TRUB1: variants seen among roughly 807,000 people sequenced by gnomAD.
The protein encoded by TRUB1 is TruB pseudouridine synthase family member 1.
In TRUB1, 23 loss-of-function variants were observed where a neutral mutation model predicts 33.9. The ratio of observed to expected loss-of-function variants is 0.68; its 90% CI spans 0.49 to 0.96. The LOEUF is 0.96. Ranked by LOEUF, TRUB1 falls within the 40% of genes least tolerant of loss-of-function variation. TRUB1 has a pLI of 0.00. For missense variants in TRUB1, 378 were observed against 422.2 expected, an observed-to-expected ratio of 0.90 and a Z score of 0.92; for synonymous variants, 163 against 165.4, an observed-to-expected ratio of 0.99 and a Z score of 0.11.
intron 3 of TRUB1, among the ~76,000 whole-genome samples, chr10:114,957,252 G>T (rs1474490110): frequency 6.6e-6 from 1 of 152,202 alleles, no homozygotes; most frequent in East Asian, 1.9e-4. Flanking sequence ...TATCTCTGTA[G>T]GTCATCATGT....
intron 4 of TRUB1, among the ~76,000 whole-genome samples, chr10:114,968,271 T>C (rs1431376811): frequency 6.6e-6 from 1 of 152,168 alleles, no homozygotes; most frequent in African/African-American, 2.4e-5. Flanking sequence ...ATCTTGTGTG[T>C]GATGATATCA....
chr10:114,948,523 C>T (rs1040764942), intron 2 of TRUB1, among the ~76,000 whole-genome samples: 1 of 152,096 alleles, frequency 6.6e-6, no homozygotes, highest in African/African-American at 2.4e-5. Flanking sequence ...GAAAAAATGC[C>T]GAGTAAAAAT....
chr10:114,966,499 G>T (rs1471540837), intron 4 of TRUB1, among the ~76,000 whole-genome samples: 1 of 152,026 alleles, frequency 6.6e-6, no homozygotes. Context: ...GAATCAGCTT[G>T]TCAATTTTTA....
intron 5 of TRUB1, among the ~76,000 whole-genome samples, 179 bp downstream of exon 5, chr10:114,970,619 C>T (rs769385128): frequency 2.0e-5 from 3 of 152,200 alleles, no homozygotes; most frequent in Non-Finnish European, 4.4e-5. Flanking sequence ...CTCTAAGAGG[C>T]AGTGGAATGT....
Position 114,950,799 on chromosome 10 carries a change from G to A in TRUB1, c.386-295G>A, listed in dbSNP as rs113144936. Among the ~76,000 whole-genome samples the A allele has an allele frequency of 3.7e-3, 567 of 152,246 alleles. 1 individual carries two copies. The highest frequency in any genetic ancestry group is 0.012 in the African/African-American group (515 of 41,548). Reference sequence around the variant, plus strand: ...TGGTGCCCATATAAAATTCCAGTGCGTCCTTTGAGATTGTTCTAAGGCTTC... The same window carrying A: ...TGGTGCCCATATAAAATTCCAGTGCATCCTTTGAGATTGTTCTAAGGCTTC... On this transcript the variant is annotated intron_variant, in intron 2 of 7. Coordinates refer to ENST00000298746, the MANE Select transcript of TRUB1 (RefSeq NM_139169.5).
At chr10:114,941,756 C>T (rs1005913301) in intron 1 of TRUB1, among the ~76,000 whole-genome samples, 10 of 151,956 alleles carry the variant, frequency 6.6e-5, no homozygotes, top group Admixed American at 5.9e-4. Flanking sequence ...TTCCACATAA[C>T]GTTTTGTTGA....
intron 3 of TRUB1, among the ~76,000 whole-genome samples, chr10:114,956,985 A>G (rs2084264295): frequency 6.6e-6 from 1 of 152,204 alleles, no homozygotes; most frequent in Admixed American, 6.5e-5. Flanking sequence ...AGCTACATAC[A>G]ATATAATTGC....
intron 2 of TRUB1, among the ~76,000 whole-genome samples, chr10:114,949,052 C>G (rs1319461041): frequency 6.6e-6 from 1 of 152,228 alleles, no homozygotes; most frequent in South Asian, 2.1e-4. Context: ...GCGGTTCTCT[C>G]TCTGTTCATT....
In TRUB1 at chr10:114,977,032, T is replaced by C. The variant is rs2084364197; in HGVS notation, c.*1653T>C. On this transcript the variant is annotated 3_prime_UTR_variant, in exon 8 of 8. Coordinates refer to ENST00000298746, the MANE Select transcript of TRUB1 (RefSeq NM_139169.5). ...TCCAAATAGAGAAATACTTAGGTTT[T>C]AGAACACATCAGAGGTATTTCTGCT... The C allele has an allele frequency of 6.6e-6, 1 of 152,178 alleles. No homozygotes were observed. 9.4% of individuals were successfully genotyped at this position (152,178 alleles called of 1,614,324 possible). A position where few individuals can be genotyped will look rare whatever the true frequency, so the allele number is the denominator to read the frequency against.
chr10:114,946,239 CA>C (rs2143020594), intron 2 of TRUB1, among the ~76,000 whole-genome samples: 1 of 152,162 alleles, frequency 6.6e-6, no homozygotes, highest in East Asian at 1.9e-4. Context: ...TAACGTCTAC[CA>C]AAACTAAGTC....
chr10:114,965,548 C>G (rs2084303790), intron 4 of TRUB1, among the ~76,000 whole-genome samples: 1 of 152,094 alleles, frequency 6.6e-6, no homozygotes, highest in Non-Finnish European at 1.5e-5. Flanking sequence ...CCTGGACTGG[C>G]TTTGATATCA....
chr10:114,959,731 T>G lies in TRUB1; in HGVS notation c.447T>G (p.Tyr149Ter). The change falls in exon 4 of 8, where the codon TAT (tyrosine) becomes TAG (stop). Residue 149 changes from tyrosine (Y) to a stop codon, truncating the protein, a stop_gained. Coordinates refer to ENST00000298746, the MANE Select transcript of TRUB1 (RefSeq NM_139169.5). LOFTEE classifies it high-confidence loss of function. ...LTSMLSGSKR[Y>*]TAIGELGKAT... ...TCTTGTTTCCCTTCCTCTAGAGATATACTGCCATTGGAGAACTGGGGAAAG... is the reference window on the plus strand; with the variant it reads ...TCTTGTTTCCCTTCCTCTAGAGATAGACTGCCATTGGAGAACTGGGGAAAG... 1 of 1,604,486 alleles carries G rather than the reference T, an allele frequency of 6.2e-7. No individual in the cohort carries two copies. Among genetic ancestry groups the G allele is most frequent in the Non-Finnish European group, 8.5e-7 (1 of 1,171,350 alleles).
At chr10:114,960,169 T>A (rs970112225) in intron 4 of TRUB1, among the ~76,000 whole-genome samples, 2 of 150,474 alleles carry the variant, frequency 1.3e-5, no homozygotes, top group African/African-American at 5.0e-5. Flanking sequence ...TAAAAAAAAA[T>A]ATATTACCTG....
Position 114,972,242 on chromosome 10 carries a change from T to G in TRUB1, c.704T>G (p.Leu235Arg), listed in dbSNP as rs2084340139. The G allele has an allele frequency of 6.2e-7, 1 of 1,607,414 alleles. No homozygotes were observed. The highest frequency in any genetic ancestry group is 1.3e-5 in the African/African-American group (1 of 74,726). ...CCAGTGACTGTATACAGTATCTCCC[T>G]TCAAAAATTCCAGCCACCATTTTTC... The part of the protein sequence containing the change: ...ARPVTVYSIS[L>R]QKFQPPFFTL... Residue 235 changes from leucine (L) to arginine (R), a missense_variant, in exon 6 of 8, where the codon CTT becomes CGT. Transcript: ENST00000298746.
rs77939637 is a variant in TRUB1 at position 114,972,117 on chromosome 10, C to T, written c.597-18C>T. On this transcript the variant is annotated intron_variant, in intron 5 of 7. Coordinates refer to ENST00000298746, the MANE Select transcript of TRUB1 (RefSeq NM_139169.5). The stretch of plus-strand genomic sequence containing the variant: ...TTGCTCTCCTTTCCTTCCATTTCTC[C>T]TTCTCTCATCTCACAAGCTATTCTG... 2.5e-6 allele frequency: 4 copies of T among 1,611,130 alleles called. No individual in the cohort carries two copies. The East Asian group carries it at 8.9e-5, about 36-fold the overall frequency.
At position 114,944,690 on chromosome 10, in the gene TRUB1, T is replaced by C. The variant is rs1170065519; in HGVS notation, c.385+1947T>C. 2.0e-5 allele frequency among the ~76,000 whole-genome samples: 3 copies of C among 151,406 alleles called. No homozygotes were observed. In the East Asian group the frequency reaches 5.8e-4, roughly 29 times the overall value. On this transcript the variant is annotated intron_variant, in intron 2 of 7. Coordinates refer to ENST00000298746, the MANE Select transcript of TRUB1 (RefSeq NM_139169.5). Reference sequence around the variant, plus strand: ...AATAAATAAATAAACAAACATAAAATAGAAAAAAATCAGGCTGGGCACAGT... The same window carrying C: ...AATAAATAAATAAACAAACATAAAACAGAAAAAAATCAGGCTGGGCACAGT...
Position 114,976,475 on chromosome 10 carries a change from T to C in TRUB1, c.*1096T>C, listed in dbSNP as rs1227485934. 1.3e-5 allele frequency: 2 copies of C among 152,182 alleles called. No homozygotes were observed. Among genetic ancestry groups the C allele is most frequent in the Non-Finnish European group, 2.9e-5 (2 of 68,004 alleles). The allele number at this position is 152,182 out of a possible 1,614,324, so 9.4% of individuals were successfully genotyped here. A position where few individuals can be genotyped will look rare whatever the true frequency, so the allele number is the denominator to read the frequency against. On this transcript the variant is annotated 3_prime_UTR_variant, in exon 8 of 8. Coordinates refer to ENST00000298746, the MANE Select transcript of TRUB1 (RefSeq NM_139169.5). ...TAATGAGTGCTTCATATTTTTGTTA[T>C]GGGAAAGCAATATATTATGCAGCCA...
At chr10:114,973,323 A>T (rs1446303437) in intron 6 of TRUB1, among the ~76,000 whole-genome samples, 1 of 152,174 alleles carries the variant, frequency 6.6e-6, no homozygotes, top group African/African-American at 2.4e-5. Flanking sequence ...GATTGCATTT[A>T]AGTCAGAAAT....
At chr10:114,943,012 C>G (rs2084195634) in intron 2 of TRUB1, among the ~76,000 whole-genome samples, 1 of 152,178 alleles carries the variant, frequency 6.6e-6, no homozygotes, top group South Asian at 2.1e-4. Flanking sequence ...CATAGCAGGC[C>G]TGAAATTACT....
Sources: gnomAD v4.1 joint callset for allele counts (sites outside exome capture counted in the v4.1 genomes callset) on GRCh38, gnomAD v4.1.1 for gene constraint, MANE v1.5 for transcripts, NCBI Gene and HGNC (gene_info 2026-07-23, HGNC 2026-07-21) for gene names.